The following HDAC9 variants were observed in gnomAD, a reference collection of about 807,000 sequenced individuals.
HDAC9 encodes MEF-2 interacting transcription repressor (MITR) protein.
In HDAC9, 41 loss-of-function variants were observed where a neutral mutation model predicts 139.4. The ratio of observed to expected loss-of-function variants is 0.29; its 90% CI spans 0.23 to 0.38. HDAC9 has a LOEUF of 0.38. HDAC9 is among the 10% of genes least tolerant of loss of function. HDAC9 has a pLI of 1.00. For missense variants in HDAC9, 1,147 were observed against 1,297.0 expected (o/e 0.88, Z 1.78); for synonymous variants, 517 against 476.2 (o/e 1.09, Z -1.12).
At chr7:18,238,345 G>A (rs2128188302) in intron 2 of HDAC9, among the ~76,000 whole-genome samples, 1 of 152,260 alleles carries the variant, frequency 6.6e-6, no homozygotes, top group South Asian at 2.1e-4. Context: ...TGCTTGCAAA[G>A]GCATGTAGTA....
At chr7:18,491,130 C>A (rs1274034314), upstream of HDAC9, among the ~76,000 whole-genome samples, 1 of 151,652 alleles carries the variant, frequency 6.6e-6, no homozygotes, top group Non-Finnish European at 1.5e-5. Context: ...CTATTATAAT[C>A]CAGAAAAATA....
intron 2 of HDAC9, among the ~76,000 whole-genome samples, chr7:18,270,670 A>T (rs1584940174): frequency 1.3e-5 from 2 of 152,238 alleles, no homozygotes; most frequent in Middle Eastern, 6.8e-3. Flanking sequence ...TTGGTGAAAA[A>T]AGAGTAGGAG....
intron 1 of HDAC9, among the ~76,000 whole-genome samples, chr7:18,343,820 A>G (rs903317194): frequency 6.6e-6 from 1 of 151,844 alleles, no homozygotes; most frequent in Non-Finnish European, 1.5e-5. Flanking sequence ...TTATATATGT[A>G]TTTACTTCTA....
intron 1 of HDAC9, chr7:18,162,176 G>T: frequency 1.5e-6 from 1 of 665,632 alleles, no homozygotes; most frequent in East Asian, 2.8e-5. Flanking sequence ...TTCTTTTTCA[G>T]TGTGACTTGA....
chr7:18,470,653 G>A (rs1382958405), intron 1 of HDAC9, among the ~76,000 whole-genome samples: 1 of 151,952 alleles, frequency 6.6e-6, no homozygotes, highest in African/African-American at 2.4e-5. Flanking sequence ...CTTTTTAGCA[G>A]GAAAAAAACC....
chr7:18,967,984 G>A (rs1185131739), intron 24 of HDAC9, among the ~76,000 whole-genome samples: 2 of 151,862 alleles, frequency 1.3e-5, no homozygotes, highest in East Asian at 3.9e-4. Flanking sequence ...CCAACTTGGA[G>A]AAACCCGGTC....
intron 22 of HDAC9, among the ~76,000 whole-genome samples, chr7:18,891,125 AAC>A (rs1375029772): frequency 6.6e-6 from 1 of 152,126 alleles, no homozygotes; most frequent in Admixed American, 6.5e-5. Context: ...ATCTACTATA[AAC>A]AGTTTTCTCA....
intron 13 of HDAC9, among the ~76,000 whole-genome samples, chr7:18,736,720 C>A (rs1354554577): frequency 6.6e-6 from 1 of 152,134 alleles, no homozygotes; most frequent in Non-Finnish European, 1.5e-5. Context: ...CTCTGCCAGG[C>A]TTTGGTATCA....
intron 13 of HDAC9, among the ~76,000 whole-genome samples, chr7:18,733,701 A>G (rs1786613588): frequency 6.6e-6 from 1 of 151,918 alleles, no homozygotes; most frequent in Non-Finnish European, 1.5e-5. Flanking sequence ...ACACACACAT[A>G]TATATTTTTT....
intron 12 of HDAC9, among the ~76,000 whole-genome samples, chr7:18,719,486 C>T (rs1784976717): frequency 1.3e-5 from 2 of 151,780 alleles, no homozygotes; most frequent in African/African-American, 4.8e-5. Context: ...ATTACAGGCT[C>T]ACACCACCAC....
chr7:18,826,600 G>C (rs1022462650), intron 17 of HDAC9, among the ~76,000 whole-genome samples: 1 of 150,178 alleles, frequency 6.7e-6, no homozygotes, highest in Admixed American at 6.6e-5. Flanking sequence ...CAGATACTTC[G>C]TTCAAGGAAT....
chr7:18,254,459 C>T (rs1795110763), intron 2 of HDAC9, among the ~76,000 whole-genome samples: 1 of 152,182 alleles, frequency 6.6e-6, no homozygotes, highest in Non-Finnish European at 1.5e-5. Flanking sequence ...AATTGCTAAA[C>T]AAGTTTTCTT....
At chr7:18,457,001 T>A (rs1793410016) in intron 1 of HDAC9, among the ~76,000 whole-genome samples, 1 of 152,112 alleles carries the variant, frequency 6.6e-6, no homozygotes, top group African/African-American at 2.4e-5. Context: ...CTACAAATTG[T>A]GTTGTCCTCA....
chr7:18,244,027 G>A (rs998298459), intron 2 of HDAC9, among the ~76,000 whole-genome samples: 1 of 152,198 alleles, frequency 6.6e-6, no homozygotes, highest in African/African-American at 2.4e-5. Context: ...ATCCCATGGA[G>A]GGGAATAGAC....
At chr7:18,894,075 A>G (rs1800947404) in intron 22 of HDAC9, among the ~76,000 whole-genome samples, 1 of 152,130 alleles carries the variant, frequency 6.6e-6, no homozygotes, top group Non-Finnish European at 1.5e-5. Flanking sequence ...TGGATTGGGT[A>G]TGAGAGAAGA....
intron 8 of HDAC9, among the ~76,000 whole-genome samples, chr7:18,642,353 C>G (rs1318169589): frequency 6.6e-6 from 1 of 152,062 alleles, no homozygotes; most frequent in Non-Finnish European, 1.5e-5. Context: ...AAGCCACCAC[C>G]ATTCTCCCTA....
intron 16 of HDAC9, among the ~76,000 whole-genome samples, chr7:18,784,134 A>ATTG (rs1372946034): frequency 3.6e-5 from 2 of 55,344 alleles, no homozygotes; most frequent in Admixed American, 1.5e-4. Flanking sequence ...TATTATTATT[A>ATTG]TTATTTGGTT....
chr7:18,668,964 A>G, intron 12 of HDAC9: 1 of 858,088 alleles, frequency 1.2e-6, no homozygotes, highest in Non-Finnish European at 1.4e-6. Context: ...GAAAATAAAG[A>G]CATTTTGAGC....
intron 16 of HDAC9, among the ~76,000 whole-genome samples, chr7:18,780,907 C>G (rs911800417): frequency 9.9e-5 from 15 of 152,048 alleles, no homozygotes; most frequent in Admixed American, 3.3e-4. Flanking sequence ...AAGTTCACAT[C>G]TGTATTTGGC....
Sources: allele counts gnomAD v4.1 joint callset (sites outside exome capture counted in the v4.1 genomes callset), GRCh38; gene constraint gnomAD v4.1.1; transcripts MANE v1.5; gene names NCBI Gene and HGNC (gene_info 2026-07-23, HGNC 2026-07-21).